The following BRI3 variants were observed in gnomAD, a reference collection of about 807,000 sequenced individuals.
BRI3 encodes the protein brain protein I3.
In BRI3, 6 loss-of-function variants were observed where a neutral mutation model predicts 12.8. That is an observed-to-expected ratio of 0.47 (90% confidence interval 0.26 to 0.93). The LOEUF (loss-of-function observed/expected upper bound fraction) is 0.93. BRI3 is among the 40% of genes least tolerant of loss of function. The probability of loss-of-function intolerance (pLI) is 0.15; values close to 1 mark genes in which losing one functional copy is unlikely to be tolerated. For missense variants in BRI3, 134 were observed against 171.1 expected (o/e 0.78, Z 1.21); for synonymous variants, 91 against 76.1 (o/e 1.20, Z -1.02).
intron 1 of BRI3, chr7:98,306,771 G>A (rs545706584): frequency 3.5e-5 from 17 of 479,672 alleles, no homozygotes; most frequent in Middle Eastern, 6.2e-4. Flanking sequence ...GCAGTGGTGC[G>A]ATCATAGCTC....
chr7:98,288,951 A>T (rs1799803401), intron 2 of BRI3, among the ~76,000 whole-genome samples: 1 of 151,792 alleles, frequency 6.6e-6, no homozygotes, highest in Non-Finnish European at 1.5e-5. Flanking sequence ...GGTGGGCATG[A>T]AGTTTTTTTC....
chr7:98,311,779 C>CTG (rs1800882489), downstream of BRI3, among the ~76,000 whole-genome samples: 2 of 151,760 alleles, frequency 1.3e-5, no homozygotes, highest in Admixed American at 6.6e-5. Context: ...GGTGGTGCGC[C>CTG]CCAGTAATCC....
chr7:98,287,934 T>G (rs925224677), intron 2 of BRI3, among the ~76,000 whole-genome samples: 2 of 152,146 alleles, frequency 1.3e-5, no homozygotes, highest in Non-Finnish European at 2.9e-5. Flanking sequence ...GAACAGGCAG[T>G]CAGCTCTGCC....
chr7:98,305,047 GT>G (rs59633894), upstream of BRI3, among the ~76,000 whole-genome samples: 40 of 100,354 alleles, frequency 4.0e-4, no homozygotes, highest in Admixed American at 8.6e-4. Flanking sequence ...TTTGTTTTTT[GT>G]TTTTTTTTTT....
intron 2 of BRI3, among the ~76,000 whole-genome samples, chr7:98,288,678 A>G (rs1276855476): frequency 2.0e-5 from 3 of 151,896 alleles, no homozygotes; most frequent in African/African-American, 7.3e-5. Flanking sequence ...GCCTTTTGAG[A>G]ACGAATGGAC....
downstream of BRI3, chr7:98,291,713 C>T (rs950172595): frequency 1.5e-4 from 34 of 219,804 alleles, no homozygotes; most frequent in Non-Finnish European, 2.1e-4. Context: ...GCAGGCACCT[C>T]GGTGCCAAGG....
chr7:98,282,006 C>G, intron 1 of BRI3, 69 bp downstream of exon 1: 2 of 1,302,976 alleles, frequency 1.5e-6, no homozygotes, highest in East Asian at 3.1e-5. Flanking sequence ...GGACGTGGGT[C>G]CGGAGGCGGG....
At chr7:98,315,041 A>C (rs1272468152), downstream of BRI3, among the ~76,000 whole-genome samples, 1 of 152,232 alleles carries the variant, frequency 6.6e-6, no homozygotes, top group African/African-American at 2.4e-5. Flanking sequence ...GTTTCTCTGG[A>C]ATCTTTTCAT....
downstream of BRI3, chr7:98,315,420 A>T (rs1291664150): frequency 1.5e-6 from 2 of 1,355,496 alleles, no homozygotes; most frequent in Admixed American, 2.8e-5. Context: ...TATGAAATAA[A>T]GTTATTAATA....
chr7:98,308,891 C>G (rs1800767856), exon 2 of BRI3: 2 of 152,402 alleles, frequency 1.3e-5, no homozygotes, highest in Non-Finnish European at 2.9e-5. Flanking sequence ...GTTGCCCAGC[C>G]TGGTCTTGAC....
chr7:98,304,522 A>G (rs781024243), upstream of BRI3: 1 of 815,214 alleles, frequency 1.2e-6, no homozygotes, highest in African/African-American at 1.8e-5. Context: ...AGACACACAC[A>G]GTACATATAT....
downstream of BRI3, among the ~76,000 whole-genome samples, chr7:98,313,308 A>G (rs954142563): frequency 6.6e-6 from 1 of 152,166 alleles, no homozygotes; most frequent in African/African-American, 2.4e-5. Flanking sequence ...CATAGAAACG[A>G]GCAGATTTGG....
intron 2 of BRI3, among the ~76,000 whole-genome samples, chr7:98,285,197 G>A (rs1799670194): frequency 6.6e-6 from 1 of 152,192 alleles, no homozygotes; most frequent in Non-Finnish European, 1.5e-5. Flanking sequence ...TGTGGAGGGC[G>A]GATGTCGCTC....
downstream of BRI3, among the ~76,000 whole-genome samples, chr7:98,314,687 G>A (rs1490518217): frequency 3.3e-5 from 5 of 152,148 alleles, no homozygotes; most frequent in Admixed American, 6.5e-5. Context: ...CCTGATGCGC[G>A]TGAATGGGGG....
chr7:98,310,334 G>T, exon 2 of BRI3: 1 of 1,239,846 alleles, frequency 8.1e-7, no homozygotes. Context: ...TACCATACCT[G>T]CTTGTTTACC....
intron 2 of BRI3, among the ~76,000 whole-genome samples, chr7:98,289,828 A>C (rs1324692118): frequency 6.6e-6 from 1 of 152,082 alleles, no homozygotes; most frequent in Non-Finnish European, 1.5e-5. Context: ...CTGGCTTCCT[A>C]CTTTTAGGGC....
At chr7:98,288,500 C>G (rs1425478210) in intron 2 of BRI3, among the ~76,000 whole-genome samples, 2 of 151,826 alleles carry the variant, frequency 1.3e-5, no homozygotes, top group Non-Finnish European at 2.9e-5. Context: ...TTTGTAAAAG[C>G]CCACACAGGA....
At position 98,282,336 on chromosome 7, in the gene BRI3, C is replaced by T. The variant is rs763593987; in HGVS notation, c.143-15C>T. ...CTCCTCCCTGCACCCTAATGACCTG[C>T]TTTCCCGCCCACAGGGATACCCACC... On this transcript the variant is annotated splice_polypyrimidine_tract_variant and intron_variant, in intron 1 of 2. Coordinates refer to ENST00000297290, the MANE Select transcript of BRI3 (RefSeq NM_015379.5). 6.2e-7 allele frequency: 1 copy of T among 1,605,636 alleles called. No homozygotes were observed. Among genetic ancestry groups the T allele is most frequent in the Admixed American group, 1.7e-5 (1 of 59,990 alleles).
chr7:98,312,091 T>C, downstream of BRI3: 1 of 1,588,016 alleles, frequency 6.3e-7, no homozygotes, highest in Non-Finnish European at 8.6e-7. Flanking sequence ...GAAAACTGGC[T>C]CCTACCACAT....
Sources: gnomAD v4.1 joint callset for allele counts (sites outside exome capture counted in the v4.1 genomes callset) on GRCh38, gnomAD v4.1.1 for gene constraint, MANE v1.5 for transcripts, NCBI Gene and HGNC (gene_info 2026-07-23, HGNC 2026-07-21) for gene names.